Variants in SORBS2 observed in about 807,000 individuals in gnomAD.
SORBS2 encodes the protein sorbin and SH3 domain-containing protein 2.
Under a neutral mutation model 97.7 loss-of-function variants are expected in SORBS2, and 46 were observed. That is an observed-to-expected ratio of 0.47 (90% confidence interval 0.37 to 0.60). The LOEUF is 0.60. SORBS2 is among the 20% of genes least tolerant of loss of function. The pLI, the probability that SORBS2 is intolerant of heterozygous loss-of-function variation, is 0.00. For missense variants in SORBS2, 1,316 were observed against 1,282.3 expected (o/e 1.03, Z -0.40); for synonymous variants, 476 against 473.4 (o/e 1.01, Z -0.07).
At chr4:185,674,271 G>A (rs113273133) in intron 4 of SORBS2, among the ~76,000 whole-genome samples, 5,386 of 152,292 alleles carry the variant, frequency 0.035, 112 homozygotes, top group African/African-American at 0.049. Context: ...CTCAGCTGAT[G>A]GCGATGCTAT....
intron 1 of SORBS2, among the ~76,000 whole-genome samples, chr4:185,911,228 T>C (rs1330144441): frequency 1.3e-5 from 2 of 152,060 alleles, no homozygotes; most frequent in Non-Finnish European, 2.9e-5. Context: ...AAAATTATGA[T>C]GATTTTCTTT....
intron 4 of SORBS2, chr4:185,638,927 T>G (rs752109094): frequency 6.6e-7 from 1 of 1,504,848 alleles, no homozygotes; most frequent in South Asian, 1.3e-5. Flanking sequence ...GGGGCGCCAC[T>G]CCGGGGCGGA....
chr4:185,801,134 T>A (rs192777297), intron 1 of SORBS2, among the ~76,000 whole-genome samples: 1 of 152,356 alleles, frequency 6.6e-6, no homozygotes, highest in African/African-American at 2.4e-5. Flanking sequence ...TTGTACAGTA[T>A]TTGTCTTTCT....
At chr4:185,814,853 A>T (rs1016783632) in intron 1 of SORBS2, among the ~76,000 whole-genome samples, 2 of 152,190 alleles carry the variant, frequency 1.3e-5, no homozygotes, top group Non-Finnish European at 2.9e-5. Flanking sequence ...GCCTGCTCGA[A>T]GCCCCTCCCT....
chr4:185,666,648 G>T (rs1224356230), intron 4 of SORBS2, among the ~76,000 whole-genome samples: 1 of 152,078 alleles, frequency 6.6e-6, no homozygotes, highest in African/African-American at 2.4e-5. Flanking sequence ...TTTTTTCCTG[G>T]TTTATGAATC....
At chr4:185,793,172 C>T (rs866466392) in intron 1 of SORBS2, among the ~76,000 whole-genome samples, 1 of 152,294 alleles carries the variant, frequency 6.6e-6, no homozygotes, top group East Asian at 1.9e-4. Flanking sequence ...TTTAGATCAG[C>T]CCAAGAAAAA....
chr4:185,712,826 G>T (rs137893823), intron 2 of SORBS2, among the ~76,000 whole-genome samples: 1 of 152,140 alleles, frequency 6.6e-6, no homozygotes, highest in Non-Finnish European at 1.5e-5. Flanking sequence ...CACCCCCCTC[G>T]CAAGTGCCGT....
intron 4 of SORBS2, chr4:185,677,448 G>A (rs749986161): frequency 2.2e-5 from 34 of 1,552,012 alleles, no homozygotes; most frequent in Non-Finnish European, 2.8e-5. Context: ...AGATTCTTCA[G>A]AATATACAAT....
chr4:185,683,503 T>C (rs2097905080), intron 2 of SORBS2, among the ~76,000 whole-genome samples: 1 of 152,242 alleles, frequency 6.6e-6, no homozygotes, highest in Non-Finnish European at 1.5e-5. Context: ...CCTTCATTCC[T>C]GTTTCTCATG....
intron 1 of SORBS2, among the ~76,000 whole-genome samples, chr4:185,914,673 G>C (rs1229156756): frequency 6.6e-6 from 1 of 152,162 alleles, no homozygotes; most frequent in East Asian, 1.9e-4. Context: ...TTTGGGTTTT[G>C]AGGTTTCTGA....
intron 2 of SORBS2, among the ~76,000 whole-genome samples, chr4:185,685,490 G>A (rs1158772907): frequency 2.0e-5 from 3 of 152,062 alleles, no homozygotes; most frequent in South Asian, 2.1e-4. Context: ...ATATGGTATC[G>A]AAATGACCAT....
At chr4:185,723,811 C>A (rs1196213015) in intron 2 of SORBS2, among the ~76,000 whole-genome samples, 1 of 152,180 alleles carries the variant, frequency 6.6e-6, no homozygotes, top group African/African-American at 2.4e-5. Flanking sequence ...CAGTGAACGT[C>A]AAGGTCCTGG....
rs370108150 is a variant in SORBS2 at position 185,593,810 on chromosome 4, T to A, written c.2846+76A>T. The A allele has an allele frequency of 2.5e-3, 2,300 of 918,876 alleles. 7 individuals carry two copies. Among genetic ancestry groups the A allele is most frequent in the Admixed American group, 3.2e-3 (183 of 57,238 alleles). The allele number at this position is 918,876 out of a possible 1,614,324, so 56.9% of individuals were successfully genotyped here. A position where few individuals can be genotyped will look rare whatever the true frequency, so the allele number is the denominator to read the frequency against. On this transcript the variant is annotated intron_variant, in intron 13 of 14. Transcript: ENST00000418609. ...GATCTTTCACGTGCAAAGCCATACA[T>A]CTTACATTTTGGTACAGTTGTCCAT...
In SORBS2 at chr4:185,606,252, A is replaced by T; in HGVS notation, c.2796+5528T>A. On this transcript the variant is annotated intron_variant, in intron 12 of 14. Coordinates refer to ENST00000418609, the Ensembl canonical transcript of SORBS2. This position sits in a 1 kb window ranked among gnomAD's most constrained non-coding sequence, Gnocchi z 4.3. ...CGATTAAAGATGTGGAGTTTTTAGA[A>T]TAGTGTCTGATACTCAGTAAGAGCT... 2 of 985,250 alleles carry T rather than the reference A, an allele frequency of 2.0e-6. No homozygotes were observed. Among genetic ancestry groups the T allele is most frequent in the Non-Finnish European group, 2.4e-6 (2 of 829,780 alleles). The allele number at this position is 985,250 out of a possible 1,614,324, so 61.0% of individuals were successfully genotyped here.
intron 12 of SORBS2, among the ~76,000 whole-genome samples, chr4:185,597,714 G>A (rs2096143186): frequency 6.6e-6 from 1 of 152,094 alleles, no homozygotes; most frequent in African/African-American, 2.4e-5. Flanking sequence ...CTTTCCCCTT[G>A]GTGATGTAAC....
chr4:185,679,971 A>G (rs900263268), intron 2 of SORBS2, among the ~76,000 whole-genome samples: 3 of 152,224 alleles, frequency 2.0e-5, no homozygotes, highest in Non-Finnish European at 4.4e-5. Flanking sequence ...CACAGAGTAC[A>G]TTAGAATGAT....
At position 185,602,866 on chromosome 4, in the gene SORBS2, T is replaced by C. The variant is rs117863109; in HGVS notation, c.2796+8914A>G. Among the ~76,000 whole-genome samples the C allele has an allele frequency of 1.4e-3, 208 of 152,326 alleles. 1 individual carries two copies. In the East Asian group the frequency reaches 0.033, roughly 24 times the overall value. On this transcript the variant is annotated intron_variant, in intron 12 of 14. Coordinates refer to ENST00000418609, the Ensembl canonical transcript of SORBS2. ...AACTTCAGTGAATATATTCTTTCAATGACTACAAAATAGATTTATAAGGTT... is the reference window on the plus strand; with the variant it reads ...AACTTCAGTGAATATATTCTTTCAACGACTACAAAATAGATTTATAAGGTT...
intron 2 of SORBS2, among the ~76,000 whole-genome samples, chr4:185,736,851 G>A (rs2098690891): frequency 6.6e-6 from 1 of 152,216 alleles, no homozygotes; most frequent in African/African-American, 2.4e-5. Flanking sequence ...ATAGTCCATA[G>A]TTGGGGAGAC....
chr4:185,881,048 A>C (rs1338090721), intron 1 of SORBS2, among the ~76,000 whole-genome samples: 1 of 152,138 alleles, frequency 6.6e-6, no homozygotes, highest in Non-Finnish European at 1.5e-5. Flanking sequence ...AAGAGGAAGG[A>C]AGTTGCTGAG....
Sources: allele counts gnomAD v4.1 joint callset (sites outside exome capture counted in the v4.1 genomes callset), GRCh38; gene constraint gnomAD v4.1.1; non-coding constraint Gnocchi (gnomAD v3.1); transcripts MANE v1.5; gene names NCBI Gene and HGNC (gene_info 2026-07-23, HGNC 2026-07-21).